The following PCDH9 variants were observed in gnomAD, a reference collection of about 807,000 sequenced individuals.
The protein encoded by PCDH9 is protocadherin 9, also known as protocadherin-9.
PCDH9 carries 24 observed loss-of-function variants against 70.6 expected under a neutral mutation model. The ratio of observed to expected loss-of-function variants is 0.34; its 90% CI spans 0.25 to 0.48. The LOEUF is 0.48. PCDH9 is among the 20% of genes least tolerant of loss of function. The pLI, the probability that PCDH9 is intolerant of heterozygous loss-of-function variation, is 0.99. For synonymous variants in PCDH9, 562 were observed against 558.5 expected (o/e 1.01, Z -0.09); for missense variants, 1,281 against 1,503.6 (o/e 0.85, Z 2.45).
intron 4 of PCDH9, among the ~76,000 whole-genome samples, chr13:66,353,259 T>C (rs1193404769): frequency 4.6e-5 from 7 of 152,166 alleles, no homozygotes; most frequent in Non-Finnish European, 1.5e-5. Context: ...CTGAAATCAA[T>C]AGTGTTATAA....
At chr13:67,152,832 G>A (rs2138390779) in intron 2 of PCDH9, among the ~76,000 whole-genome samples, 1 of 152,284 alleles carries the variant, frequency 6.6e-6, no homozygotes, top group South Asian at 2.1e-4. Context: ...AGATGAGAAG[G>A]TTTTATGTTT....
intron 2 of PCDH9, among the ~76,000 whole-genome samples, chr13:66,959,930 C>T (rs574484951): frequency 6.6e-6 from 1 of 152,134 alleles, no homozygotes; most frequent in East Asian, 1.9e-4. Context: ...TTTCTGAACC[C>T]ATTTAACTTC....
intron 4 of PCDH9, among the ~76,000 whole-genome samples, chr13:66,378,619 G>A (rs1220817514): frequency 1.3e-5 from 2 of 152,108 alleles, no homozygotes; most frequent in Non-Finnish European, 2.9e-5. Context: ...GTCCTTGTGT[G>A]GTTAGGAAAT....
chr13:67,032,112 C>T (rs752926923), intron 2 of PCDH9, among the ~76,000 whole-genome samples: 19 of 152,134 alleles, frequency 1.2e-4, no homozygotes, highest in Non-Finnish European at 2.1e-4. Flanking sequence ...GATGTAAACA[C>T]AAATTCTAAA....
Position 66,698,795 on chromosome 13 carries a change from A to G in PCDH9, c.3139-67384T>C, listed in dbSNP as rs114506992. 2.1e-3 allele frequency among the ~76,000 whole-genome samples: 321 copies of G among 151,650 alleles called. 1 individual carries two copies. The highest frequency in any genetic ancestry group is 7.6e-3 in the African/African-American group (314 of 41,326). On this transcript the variant is annotated intron_variant, in intron 3 of 4. Coordinates refer to ENST00000377865, the MANE Select transcript of PCDH9 (RefSeq NM_203487.3). Reference sequence around the variant, plus strand: ...TGGGGGGCTCACAATCTTGCCTGGTAAGGCTCGTCTCAAACTGCTTGGCTC... The same window carrying G: ...TGGGGGGCTCACAATCTTGCCTGGTGAGGCTCGTCTCAAACTGCTTGGCTC...
At chr13:66,849,503 T>TAGAGAGAGAGAG (rs1348037438) in intron 3 of PCDH9, among the ~76,000 whole-genome samples, 1 of 92,756 alleles carries the variant, frequency 1.1e-5, no homozygotes, top group Non-Finnish European at 2.1e-5. Flanking sequence ...TATATATATA[T>TAGAGAGAGAGAG]ATATATATAT....
At chr13:66,550,283 A>G (rs1371424272) in intron 4 of PCDH9, among the ~76,000 whole-genome samples, 1 of 152,192 alleles carries the variant, frequency 6.6e-6, no homozygotes, top group East Asian at 1.9e-4. Flanking sequence ...ATTATGAAAT[A>G]GAAATTAAAA....
chr13:66,783,656 C>T (rs1191953917), intron 3 of PCDH9, among the ~76,000 whole-genome samples: 1 of 152,044 alleles, frequency 6.6e-6, no homozygotes, highest in Non-Finnish European at 1.5e-5. Context: ...AAAACAAACA[C>T]ATAAAATCAC....
intron 2 of PCDH9, among the ~76,000 whole-genome samples, chr13:67,111,915 A>G (rs533034727): frequency 6.6e-5 from 10 of 152,306 alleles, no homozygotes; most frequent in African/African-American, 2.4e-4. Context: ...GCCTGGAACT[A>G]ATTTCAGAAA....
intron 4 of PCDH9, among the ~76,000 whole-genome samples, chr13:66,546,052 A>T (rs958362944): frequency 5.9e-5 from 9 of 151,550 alleles, no homozygotes; most frequent in African/African-American, 2.2e-4. Flanking sequence ...GTTAGCCAGG[A>T]TGGTCTCGAT....
intron 4 of PCDH9, among the ~76,000 whole-genome samples, chr13:66,321,097 T>C: frequency 6.6e-6 from 1 of 152,026 alleles, no homozygotes. Flanking sequence ...TACACTGTCT[T>C]AGCTTACTGG....
At chr13:67,154,605 T>TATATATACAC (rs1384212375) in intron 2 of PCDH9, among the ~76,000 whole-genome samples, 1 of 93,284 alleles carries the variant, frequency 1.1e-5, no homozygotes, top group African/African-American at 4.6e-5. Context: ...AATATATATA[T>TATATATACAC]ACACACACAC....
intron 4 of PCDH9, among the ~76,000 whole-genome samples, chr13:66,529,670 A>G (rs1376250847): frequency 1.3e-5 from 2 of 152,032 alleles, no homozygotes; most frequent in Non-Finnish European, 2.9e-5. Flanking sequence ...CCCGTTTGCA[A>G]AAGTATTTAA....
intron 3 of PCDH9, among the ~76,000 whole-genome samples, chr13:66,806,806 A>G (rs1462017360): frequency 6.6e-6 from 1 of 152,178 alleles, no homozygotes; most frequent in Admixed American, 6.5e-5. Context: ...TCATCAACCA[A>G]TTCATTTAAT....
rs17412007 is a variant in PCDH9, at chr13:66,664,914, T to C, written c.3139-33503A>G. Among the ~76,000 whole-genome samples, 516 of 152,122 alleles carry C rather than the reference T, an allele frequency of 3.4e-3. 3 individuals are homozygous for C. Among genetic ancestry groups the C allele is most frequent in the South Asian group, 6.2e-3 (30 of 4,818 alleles). On this transcript the variant is annotated intron_variant, in intron 3 of 4. Coordinates refer to ENST00000377865, the MANE Select transcript of PCDH9 (RefSeq NM_203487.3). ...TTCACTGCAACTTAAAAAATAACTT[T>C]CCTAAGGCATAGATAAAACAGACCC...
chr13:66,773,302 G>A (rs1020339434), intron 3 of PCDH9, among the ~76,000 whole-genome samples: 1 of 152,150 alleles, frequency 6.6e-6, no homozygotes, highest in Non-Finnish European at 1.5e-5. Context: ...CGTTTGAAAA[G>A]TGCCTGGTCT....
chr13:66,877,900 C>A (rs2081847202), intron 3 of PCDH9, among the ~76,000 whole-genome samples: 1 of 152,186 alleles, frequency 6.6e-6, no homozygotes, highest in South Asian at 2.1e-4. Context: ...CTCCCACCAG[C>A]CCTTTCACCT....
intron 2 of PCDH9, among the ~76,000 whole-genome samples, chr13:67,040,838 G>A (rs1414835532): frequency 6.7e-6 from 1 of 149,736 alleles, no homozygotes; most frequent in Non-Finnish European, 1.5e-5. Flanking sequence ...TCAAATTGCA[G>A]TTTGATTAAG....
At chr13:66,802,563 A>G (rs1594080477) in intron 3 of PCDH9, among the ~76,000 whole-genome samples, 2 of 152,222 alleles carry the variant, frequency 1.3e-5, no homozygotes, top group African/African-American at 4.8e-5. Flanking sequence ...TATCCATTTC[A>G]TTGGTTATTT....
Sources: allele counts gnomAD v4.1 joint callset (sites outside exome capture counted in the v4.1 genomes callset), GRCh38; gene constraint gnomAD v4.1.1; transcripts MANE v1.5; gene names NCBI Gene and HGNC (gene_info 2026-07-23, HGNC 2026-07-21).